PALD1: variants seen among roughly 807,000 people sequenced by gnomAD.
PALD1 encodes paladin.
A neutral mutation model predicts 96.0 loss-of-function variants in PALD1; 57 were observed. That is an observed-to-expected ratio of 0.59 (90% CI 0.48 to 0.74). PALD1 has a LOEUF of 0.74. Ranked by LOEUF, PALD1 falls within the 30% of genes least tolerant of loss-of-function variation. The pLI, the probability that PALD1 is intolerant of heterozygous loss-of-function variation, is 0.00. For synonymous variants in PALD1, 464 were observed against 473.6 expected (o/e 0.98, Z 0.26); for missense variants, 1,063 against 1,143.7 (o/e 0.93, Z 1.02).
chr10:70,524,060 T>C (rs1846798765), intron 1 of PALD1, among the ~76,000 whole-genome samples: 1 of 152,114 alleles, frequency 6.6e-6, no homozygotes, highest in Non-Finnish European at 1.5e-5. Flanking sequence ...GTGATGCTGC[T>C]GCTTATGGGA....
chr10:70,565,964 C>T (rs973364333), intron 19 of PALD1, among the ~76,000 whole-genome samples: 2 of 152,196 alleles, frequency 1.3e-5, no homozygotes, highest in Non-Finnish European at 2.9e-5. Context: ...GTTCCAGCCT[C>T]GGGACCTCAG....
In PALD1 at chr10:70,508,843, C is replaced by CTGTGTGTGTGTGTGTGTGTGTG. The variant is rs61307157; in HGVS notation, c.-29-17066_-29-17065insTGTGTGTGTGTGTGTGTGTGTG. Among the ~76,000 whole-genome samples the CTGTGTGTGTGTGTGTGTGTGTG allele has an allele frequency of 2.7e-3, 255 of 94,610 alleles. 24 individuals carry two copies. The highest frequency in any genetic ancestry group is 0.022 in the East Asian group (80 of 3,592). The allele number at this position is 94,610 out of a possible 152,430, so 62.1% of individuals were successfully genotyped here. ...TGCAGGCCTGTGGGAGCTGCGGAAC[C>CTGTGTGTGTGTGTGTGTGTGTG]TGTGTGTGTGTGTGCAGGCCTGTGG... On this transcript the variant is annotated intron_variant, in intron 1 of 19. Coordinates refer to ENST00000263563, the MANE Select transcript of PALD1 (RefSeq NM_014431.3).
chr10:70,531,530 A>C (rs1846990860), intron 5 of PALD1, 76 bp downstream of exon 5: 20 of 1,380,710 alleles, frequency 1.4e-5, no homozygotes, highest in Non-Finnish European at 2.0e-5. Context: ...GGGCCAGCTC[A>C]CCTGCTCTTA....
chr10:70,514,771 C>T (rs953665901), intron 1 of PALD1, among the ~76,000 whole-genome samples: 4 of 152,110 alleles, frequency 2.6e-5, no homozygotes, highest in African/African-American at 7.2e-5. Flanking sequence ...GGGCAGAGTG[C>T]GCCTGGGCAG....
chr10:70,481,018 A>G (rs1252706441), intron 1 of PALD1, among the ~76,000 whole-genome samples: 1 of 152,230 alleles, frequency 6.6e-6, no homozygotes, highest in Non-Finnish European at 1.5e-5. Context: ...GCAGACACGT[A>G]CATAGAAATA....
chr10:70,518,231 T>C (rs928487432), intron 1 of PALD1, among the ~76,000 whole-genome samples: 1 of 152,186 alleles, frequency 6.6e-6, no homozygotes, highest in African/African-American at 2.4e-5. Context: ...TGTGGACCTA[T>C]CACATTGCGT....
At chr10:70,559,271 G>A (rs1197433727) in intron 18 of PALD1, among the ~76,000 whole-genome samples, 2 of 152,066 alleles carry the variant, frequency 1.3e-5, no homozygotes, top group South Asian at 4.1e-4. Context: ...TCAGACAGAG[G>A]GTGTGGCTTG....
Position 70,532,606 on chromosome 10 carries a change from C to G in PALD1, c.634-15C>G, listed in dbSNP as rs1847015400. ...GTTCAGGCCATGGCCCTCTGACCCC[C>G]ACACCTCCCTCTAGATCCACGACTT... is the stretch of plus-strand genomic sequence containing the variant. On this transcript the variant is annotated splice_polypyrimidine_tract_variant and intron_variant, in intron 5 of 19. Transcript: ENST00000263563. 6.2e-7 allele frequency: 1 copy of G among 1,612,292 alleles called. No homozygotes were observed. Among genetic ancestry groups the G allele is most frequent in the South Asian group, 1.1e-5 (1 of 90,722 alleles).
At chr10:70,488,088 A>G (rs1846041441) in intron 1 of PALD1, among the ~76,000 whole-genome samples, 1 of 151,810 alleles carries the variant, frequency 6.6e-6, no homozygotes, top group South Asian at 2.1e-4. Context: ...TAGTATTCCA[A>G]TGTGTGGGAT....
chr10:70,515,660 C>G (rs993584545), intron 1 of PALD1, among the ~76,000 whole-genome samples: 7 of 152,104 alleles, frequency 4.6e-5, no homozygotes, highest in African/African-American at 1.7e-4. Flanking sequence ...GTGTGTCGGG[C>G]CATCCAGGTG....
At position 70,567,554 on chromosome 10, in the gene PALD1, C is replaced by T. The variant is rs1847879452; in HGVS notation, c.*821C>T. ...GAGCTGCAGGTCCCCCGGCATCTCT[C>T]TCTGTCCCGGCAGCCCAGGATGGCC... On this transcript the variant is annotated 3_prime_UTR_variant, in exon 20 of 20. Coordinates refer to ENST00000263563, the MANE Select transcript of PALD1 (RefSeq NM_014431.3). 1 of 152,984 alleles carries T rather than the reference C, an allele frequency of 6.5e-6. No individual in the cohort carries two copies. Among genetic ancestry groups the T allele is most frequent in the African/African-American group, 2.4e-5 (1 of 41,468 alleles). The allele number at this position is 152,984 out of a possible 1,614,324, so 9.5% of individuals were successfully genotyped here.
chr10:70,554,915 TC>T (rs1847563024), intron 18 of PALD1, among the ~76,000 whole-genome samples: 1 of 10,952 alleles, frequency 9.1e-5, no homozygotes, highest in African/African-American at 4.1e-4. Context: ...CCCTCCCCTC[TC>T]CTCCCCTCCC....
chr10:70,458,662 G>A, the PALD1 span, among the ~76,000 whole-genome samples: 1 of 152,182 alleles, frequency 6.6e-6, no homozygotes, highest in South Asian at 2.1e-4. Context: ...CGCCGGGGCC[G>A]GGACAAGAGC....
intron 11 of PALD1, 43 bp downstream of exon 11, chr10:70,537,949 C>A: frequency 7.7e-7 from 1 of 1,303,992 alleles, no homozygotes. Flanking sequence ...TCCTCCTGGG[C>A]CTCTCCCAGC....
intron 1 of PALD1, among the ~76,000 whole-genome samples, chr10:70,500,637 G>A (rs7075278): frequency 0.62 from 94,078 of 152,000 alleles, 29,365 homozygotes; most frequent in South Asian, 0.75. Context: ...ATTAGTTAAC[G>A]TCTTCCGCCA....
chr10:70,533,564 A>T (rs531737049), intron 7 of PALD1, among the ~76,000 whole-genome samples: 57 of 150,690 alleles, frequency 3.8e-4, no homozygotes, highest in Admixed American at 2.2e-3. Context: ...GGAGCTAACG[A>T]CTCTTGCCCT....
chr10:70,472,610 G>C, the PALD1 span, among the ~76,000 whole-genome samples: 430 of 152,254 alleles, frequency 2.8e-3, 3 homozygotes, highest in African/African-American at 8.5e-3. Flanking sequence ...AGGGGTGACA[G>C]CCTTTTTATT....
chr10:70,513,586 TTCTC>T (rs968404074), intron 1 of PALD1, among the ~76,000 whole-genome samples: 19 of 152,146 alleles, frequency 1.2e-4, no homozygotes, highest in Admixed American at 1.2e-3. Flanking sequence ...TTCCATTTAC[TTCTC>T]TCTCTAAATC....
chr10:70,462,860 C>T, the PALD1 span, among the ~76,000 whole-genome samples: 1 of 152,152 alleles, frequency 6.6e-6, no homozygotes, highest in Admixed American at 6.5e-5. Context: ...TTTCCTGTTA[C>T]TTGGCTGCAT....
Sources: allele counts gnomAD v4.1 joint callset (sites outside exome capture counted in the v4.1 genomes callset), GRCh38; gene constraint gnomAD v4.1.1; transcripts MANE v1.5; gene names NCBI Gene and HGNC (gene_info 2026-07-23, HGNC 2026-07-21).